DCC: variants seen among roughly 807,000 people sequenced by gnomAD.
The protein encoded by DCC is DCC netrin 1 receptor.
DCC carries 58 observed loss-of-function variants against 172.5 expected under a neutral mutation model. That is an observed-to-expected ratio of 0.34 (90% CI 0.27 to 0.42). DCC has a LOEUF of 0.42. DCC is among the 10% of genes least tolerant of loss of function. DCC has a pLI of 1.00. For missense variants in DCC, 1,740 were observed against 1,791.0 expected, an observed-to-expected ratio of 0.97 and a Z score of 0.51; for synonymous variants, 709 against 644.5, an observed-to-expected ratio of 1.10 and a Z score of -1.52.
At chr18:52,866,987 G>C (rs577995188) in intron 2 of DCC, among the ~76,000 whole-genome samples, 36 of 152,254 alleles carry the variant, frequency 2.4e-4, no homozygotes, top group African/African-American at 8.2e-4. Context: ...TCCAGCTTTT[G>C]CCCATTCAGT....
intron 1 of DCC, among the ~76,000 whole-genome samples, chr18:52,678,099 G>A (rs916433466): frequency 1.3e-4 from 20 of 152,134 alleles, no homozygotes; most frequent in African/African-American, 3.9e-4. Context: ...TGAATGGACT[G>A]TATTCTTGAC....
At chr18:53,379,023 A>G (rs1907523401) in intron 15 of DCC, among the ~76,000 whole-genome samples, 1 of 152,256 alleles carries the variant, frequency 6.6e-6, no homozygotes, top group Non-Finnish European at 1.5e-5. Context: ...CATCCTTTTA[A>G]GAGACCAATG....
intron 9 of DCC, among the ~76,000 whole-genome samples, chr18:53,182,808 C>A (rs2055216589): frequency 6.6e-6 from 1 of 152,038 alleles, no homozygotes; most frequent in Non-Finnish European, 1.5e-5. Context: ...TTTCCCATTC[C>A]TTCCTCCCTT....
chr18:52,873,689 A>G (rs190984237), intron 2 of DCC, among the ~76,000 whole-genome samples: 3 of 152,338 alleles, frequency 2.0e-5, no homozygotes, highest in East Asian at 3.9e-4. Context: ...TTCCTAAACT[A>G]CGTTGCTGTC....
At chr18:52,872,048 C>T (rs1429899204) in intron 2 of DCC, among the ~76,000 whole-genome samples, 1 of 152,046 alleles carries the variant, frequency 6.6e-6, no homozygotes, top group East Asian at 1.9e-4. Flanking sequence ...TTTCCTTTGC[C>T]CTCTGAAGTT....
At chr18:53,358,554 C>CTTT (rs2057906615) in intron 15 of DCC, among the ~76,000 whole-genome samples, 523 of 88,130 alleles carry the variant, frequency 5.9e-3, no homozygotes, top group Non-Finnish European at 8.4e-3. Context: ...TTTTTTTTTG[C>CTTT]GACAGAGTCT....
chr18:53,325,908 A>G (rs892478954), intron 14 of DCC, among the ~76,000 whole-genome samples: 3 of 152,226 alleles, frequency 2.0e-5, no homozygotes, highest in Admixed American at 1.3e-4. Context: ...AACTTGAACT[A>G]CAAACTTCAG....
intron 5 of DCC, among the ~76,000 whole-genome samples, chr18:52,986,815 T>C (rs552305126): frequency 0.014 from 2,075 of 149,520 alleles, 55 homozygotes; most frequent in African/African-American, 0.049. Flanking sequence ...AGTATATATA[T>C]ACACACACAC....
In DCC at chr18:53,467,806, T is replaced by C. The variant is rs146762329; in HGVS notation, c.3620-88T>C. The C allele has an allele frequency of 1.1e-3, 853 of 782,890 alleles. 5 individuals carry two copies. The African/African-American group carries it at 0.012, about 11-fold the overall frequency. 48.5% of individuals were successfully genotyped at this position (782,890 alleles called of 1,614,324 possible). ...CTATCATAGAAAGCATCTGTAAGAC[T>C]GAAAAGGCATTGGAATGCCTGCTAG... On this transcript the variant is annotated intron_variant, in intron 24 of 28. Transcript: ENST00000442544.
intron 9 of DCC, among the ~76,000 whole-genome samples, chr18:53,186,645 C>T (rs533193405): frequency 1.2e-4 from 18 of 152,300 alleles, no homozygotes; most frequent in African/African-American, 4.1e-4. Flanking sequence ...TACTGAGCAC[C>T]AACTATGTAT....
intron 12 of DCC, among the ~76,000 whole-genome samples, chr18:53,265,778 A>G (rs916646830): frequency 6.6e-6 from 1 of 152,198 alleles, no homozygotes; most frequent in Admixed American, 6.5e-5. Context: ...TCTCCTTGCC[A>G]TCTTATCAGA....
intron 12 of DCC, among the ~76,000 whole-genome samples, chr18:53,242,059 G>C (rs1348164346): frequency 6.6e-6 from 1 of 152,096 alleles, no homozygotes; most frequent in Non-Finnish European, 1.5e-5. Context: ...TTTTTAAAAA[G>C]TTTTCCTGCT....
At chr18:52,497,279 A>AT (rs2030809246) in intron 1 of DCC, among the ~76,000 whole-genome samples, 1 of 38,150 alleles carries the variant, frequency 2.6e-5, no homozygotes, top group Admixed American at 3.3e-4. Flanking sequence ...AAAAAAAAAA[A>AT]AATATATATA....
intron 12 of DCC, among the ~76,000 whole-genome samples, chr18:53,283,478 T>C (rs1256787315): frequency 6.6e-6 from 1 of 152,146 alleles, no homozygotes; most frequent in Non-Finnish European, 1.5e-5. Context: ...TATATTATTT[T>C]AAATGTGTTT....
At chr18:52,371,438 G>A (rs1985118077) in intron 1 of DCC, among the ~76,000 whole-genome samples, 1 of 152,164 alleles carries the variant, frequency 6.6e-6, no homozygotes, top group Non-Finnish European at 1.5e-5. Context: ...GAAAAACCCT[G>A]GATACCTCCT....
intron 1 of DCC, among the ~76,000 whole-genome samples, chr18:52,679,396 GT>G (rs1362550655): frequency 6.7e-6 from 1 of 150,322 alleles, no homozygotes; most frequent in African/African-American, 2.4e-5. Context: ...AAATTATTTT[GT>G]TGTTGATGAT....
chr18:53,095,892 C>A (rs184276486), intron 7 of DCC, among the ~76,000 whole-genome samples: 33 of 147,030 alleles, frequency 2.2e-4, no homozygotes, highest in Admixed American at 3.5e-4. Context: ...CAGTCGGTAA[C>A]TATTCCTCAA....
chr18:52,662,911 G>A (rs745755327), intron 1 of DCC, among the ~76,000 whole-genome samples: 3 of 152,048 alleles, frequency 2.0e-5, no homozygotes, highest in African/African-American at 7.2e-5. Flanking sequence ...TATTTTATAA[G>A]AGCACTGGTC....
At chr18:53,023,214 T>G (rs2041905823) in intron 5 of DCC, among the ~76,000 whole-genome samples, 1 of 151,700 alleles carries the variant, frequency 6.6e-6, no homozygotes, top group Non-Finnish European at 1.5e-5. Flanking sequence ...CCACAAAAAT[T>G]GTTTAAGAAA....
Sources: gnomAD v4.1 joint callset for allele counts (sites outside exome capture counted in the v4.1 genomes callset) on GRCh38, gnomAD v4.1.1 for gene constraint, MANE v1.5 for transcripts, NCBI Gene and HGNC (gene_info 2026-07-23, HGNC 2026-07-21) for gene names.